STK24: variants seen among roughly 807,000 people sequenced by gnomAD.
The protein encoded by STK24 is serine/threonine kinase 24.
In STK24, 21 loss-of-function variants were observed where a neutral mutation model predicts 55.6. The ratio of observed to expected loss-of-function variants is 0.38; its 90% CI spans 0.27 to 0.54. The LOEUF (loss-of-function observed/expected upper bound fraction) is 0.54, where lower values mean the gene tolerates loss of function less well. STK24 is among the 20% of genes least tolerant of loss of function. The probability of loss-of-function intolerance (pLI) is 0.79; values close to 1 mark genes in which losing one functional copy is unlikely to be tolerated. For missense variants in STK24, 383 were observed against 538.4 expected (o/e 0.71, Z 2.86); for synonymous variants, 200 against 215.2 (o/e 0.93, Z 0.62).
At chr13:98,535,422 C>T (rs1896702494) in intron 1 of STK24, among the ~76,000 whole-genome samples, 2 of 145,906 alleles carry the variant, frequency 1.4e-5, no homozygotes, top group African/African-American at 2.6e-5. Context: ...CACACACACA[C>T]ACACACACAC....
At chr13:98,472,503 T>C (rs1287768196) in intron 5 of STK24, among the ~76,000 whole-genome samples, 1 of 152,182 alleles carries the variant, frequency 6.6e-6, no homozygotes, top group Non-Finnish European at 1.5e-5. Flanking sequence ...CCACGGCACT[T>C]TGCATGATCT....
chr13:98,466,329 G>A, intron 6 of STK24, 47 bp downstream of exon 6: 1 of 1,587,100 alleles, frequency 6.3e-7, no homozygotes, highest in Non-Finnish European at 8.6e-7. Flanking sequence ...TCTCAACCAA[G>A]TCAAGCCGCA....
At chr13:98,518,371 T>C (rs1011674011) in intron 2 of STK24, among the ~76,000 whole-genome samples, 1 of 152,240 alleles carries the variant, frequency 6.6e-6, no homozygotes, top group Non-Finnish European at 1.5e-5. Flanking sequence ...GGAAGAGGCC[T>C]GGCCCAAATT....
intron 7 of STK24, among the ~76,000 whole-genome samples, chr13:98,463,193 C>G (rs1893787361): frequency 6.6e-6 from 1 of 152,168 alleles, no homozygotes; most frequent in South Asian, 2.1e-4. Flanking sequence ...CAGCCCTCCC[C>G]ACACAAATGG....
intron 1 of STK24, among the ~76,000 whole-genome samples, chr13:98,573,468 C>CT (rs1482232785): frequency 6.6e-6 from 1 of 152,108 alleles, no homozygotes; most frequent in Non-Finnish European, 1.5e-5. Flanking sequence ...TTTCTGATGT[C>CT]TATTTTTTTC....
In STK24 at chr13:98,576,843, G is replaced by T; in HGVS notation, c.-57C>A. On this transcript the variant is annotated 5_prime_UTR_variant, in exon 1 of 11. Transcript: ENST00000539966. ...ACGGCCGGGCCGCGACGATCCGCGCGGGGCGGCGAGGCCCGCGGGCCGCGC... is the reference window on the plus strand; with the variant it reads ...ACGGCCGGGCCGCGACGATCCGCGCTGGGCGGCGAGGCCCGCGGGCCGCGC... 1 of 1,094,384 alleles carries T rather than the reference G, an allele frequency of 9.1e-7. No homozygotes were observed. Among genetic ancestry groups the T allele is most frequent in the South Asian group, 4.0e-5 (1 of 25,088 alleles). 67.8% of individuals were successfully genotyped at this position (1,094,384 alleles called of 1,614,324 possible).
At chr13:98,570,819 T>C (rs1490619377) in intron 1 of STK24, among the ~76,000 whole-genome samples, 4 of 152,184 alleles carry the variant, frequency 2.6e-5, no homozygotes, top group African/African-American at 9.7e-5. Flanking sequence ...CACTTATATT[T>C]TTTATAATTT....
intron 9 of STK24, 115 bp from the exon 10 acceptor site, chr13:98,457,419 GT>G (rs1429391586): frequency 2.0e-6 from 3 of 1,495,974 alleles, no homozygotes; most frequent in Non-Finnish European, 2.7e-6. Context: ...CAGCCCCAGG[GT>G]GTCCGGGAAA....
intron 9 of STK24, 133 bp from the exon 10 acceptor site, chr13:98,457,437 G>GGCTAGGGCTC: frequency 1.6e-6 from 2 of 1,251,454 alleles, no homozygotes; most frequent in Non-Finnish European, 2.2e-6. Flanking sequence ...GAAAAGCTTT[G>GGCTAGGGCTC]GCTAGGGCTC....
intron 5 of STK24, among the ~76,000 whole-genome samples, chr13:98,472,233 G>T (rs1894180110): frequency 6.6e-6 from 1 of 152,252 alleles, no homozygotes; most frequent in Non-Finnish European, 1.5e-5. Context: ...CGCAGACACA[G>T]ACGTGACCCT....
At chr13:98,503,988 C>T (rs1895589579) in intron 2 of STK24, among the ~76,000 whole-genome samples, 1 of 152,156 alleles carries the variant, frequency 6.6e-6, no homozygotes, top group African/African-American at 2.4e-5. Flanking sequence ...ACACTCTCTC[C>T]TCATTACTGT....
intron 1 of STK24, among the ~76,000 whole-genome samples, chr13:98,575,432 T>TACAC (rs34923137): frequency 6.0e-4 from 84 of 139,822 alleles, no homozygotes; most frequent in Admixed American, 1.8e-3. Context: ...CACACACATA[T>TACAC]ACACACACAC....
At chr13:98,537,687 C>CT (rs1184191043) in intron 1 of STK24, among the ~76,000 whole-genome samples, 1 of 152,152 alleles carries the variant, frequency 6.6e-6, no homozygotes, top group African/African-American at 2.4e-5. Context: ...AGGTGGCGAT[C>CT]TTTATAGTCT....
At chr13:98,498,115 T>C (rs1473573076) in intron 2 of STK24, among the ~76,000 whole-genome samples, 2 of 152,244 alleles carry the variant, frequency 1.3e-5, no homozygotes, top group Non-Finnish European at 2.9e-5. Context: ...TGTGTCCAGT[T>C]AGCTGAGCAC....
chr13:98,499,306 A>G (rs1343783817), intron 2 of STK24, among the ~76,000 whole-genome samples: 1 of 152,074 alleles, frequency 6.6e-6, no homozygotes, highest in Non-Finnish European at 1.5e-5. Context: ...AGGCATGAAC[A>G]CATTTCCCAG....
rs1419756056 is a variant in STK24 at position 98,450,946 on chromosome 13, C to A, written c.*2227G>T. ...CTAACTCCATCAAACCCCACCTCCC[C>A]CGACAGGAAATGCTGCCAGTCAACT... On this transcript the variant is annotated 3_prime_UTR_variant, in exon 11 of 11. Coordinates refer to ENST00000539966, the MANE Select transcript of STK24 (RefSeq NM_001032296.4). The A allele has an allele frequency of 6.6e-6, 1 of 152,246 alleles. No homozygotes were observed. Among genetic ancestry groups the A allele is most frequent in the South Asian group, 2.1e-4 (1 of 4,828 alleles). The allele number at this position is 152,246 out of a possible 1,614,324, so 9.4% of individuals were successfully genotyped here. A position where few individuals can be genotyped will look rare whatever the true frequency, so the allele number is the denominator to read the frequency against.
chr13:98,500,502 T>C (rs1469384190), intron 2 of STK24, among the ~76,000 whole-genome samples: 15 of 152,170 alleles, frequency 9.9e-5, no homozygotes, highest in Admixed American at 7.2e-4. Context: ...CTGAGAATAC[T>C]GTAACAGAAA....
intron 1 of STK24, chr13:98,576,077 C>G (rs1594683109): frequency 1.0e-6 from 1 of 984,768 alleles, no homozygotes; most frequent in East Asian, 1.1e-4. Flanking sequence ...GGGGCCGGGC[C>G]CGGGACCCTG....
rs1326795668 is a variant in STK24, at chr13:98,447,157, C to T, written c.*6016G>A. The stretch of plus-strand genomic sequence containing the variant: ...GCAGGGACTGCAGACTTCATTTAGC[C>T]AAGAAAGAAATGCAACAGTCAGGCC... On this transcript the variant is annotated 3_prime_UTR_variant, in exon 11 of 11. Transcript: ENST00000539966. The T allele has an allele frequency of 9.4e-6, 2 of 212,404 alleles. No individual in the cohort carries two copies. Among genetic ancestry groups the T allele is most frequent in the African/African-American group, 2.3e-5 (1 of 43,838 alleles). 13.2% of individuals were successfully genotyped at this position (212,404 alleles called of 1,614,324 possible). A position where few individuals can be genotyped will look rare whatever the true frequency, so the allele number is the denominator to read the frequency against.
Sources: allele counts gnomAD v4.1 joint callset (sites outside exome capture counted in the v4.1 genomes callset), GRCh38; gene constraint gnomAD v4.1.1; transcripts MANE v1.5; gene names NCBI Gene and HGNC (gene_info 2026-07-23, HGNC 2026-07-21).